ZCCHC2: variants seen among roughly 807,000 people sequenced by gnomAD.
The protein encoded by ZCCHC2 is zinc finger CCHC domain-containing protein 2.
In ZCCHC2, 39 loss-of-function variants were observed where a neutral mutation model predicts 103.6. That is an observed-to-expected ratio of 0.38 (90% CI 0.29 to 0.49). ZCCHC2 has a LOEUF of 0.49. Ranked by LOEUF, ZCCHC2 falls within the 20% of genes least tolerant of loss-of-function variation. ZCCHC2 has a pLI of 0.96. For missense variants in ZCCHC2, 1,483 were observed against 1,491.0 expected, an observed-to-expected ratio of 0.99 and a Z score of 0.09; for synonymous variants, 687 against 608.9, an observed-to-expected ratio of 1.13 and a Z score of -1.89.
rs1916864469 is a variant in ZCCHC2, at chr18:62,576,844, C to T, written c.*265C>T. 1.9e-5 allele frequency: 4 copies of T among 214,562 alleles called. No homozygotes were observed. Among genetic ancestry groups the T allele is most frequent in the African/African-American group, 5.0e-5 (2 of 39,816 alleles). The allele number at this position is 214,562 out of a possible 1,614,324, so 13.3% of individuals were successfully genotyped here. ...AGACAAACTTAAATGTTGGTGCGTGCTTTTTTTTTTTTTTTTACACTGAAT... is the reference window on the plus strand; with the variant it reads ...AGACAAACTTAAATGTTGGTGCGTGTTTTTTTTTTTTTTTTTACACTGAAT... On this transcript the variant is annotated 3_prime_UTR_variant, in exon 14 of 14. Coordinates refer to ENST00000269499, the MANE Select transcript of ZCCHC2 (RefSeq NM_017742.6).
Position 62,523,470 on chromosome 18 carries a change from C to A in ZCCHC2, c.46C>A (p.Pro16Thr). 9.2e-7 allele frequency: 1 copy of A among 1,091,744 alleles called. No homozygotes were observed. The highest frequency in any genetic ancestry group is 3.8e-5 in the Admixed American group (1 of 25,986). The allele number at this position is 1,091,744 out of a possible 1,614,324, so 67.6% of individuals were successfully genotyped here. Residue 16 changes from proline to threonine, a missense_variant, in exon 1 of 14, where the codon CCG becomes ACG. By Grantham distance (38) the Pro-to-Thr change is conservative (BLOSUM62 -1). Coordinates refer to ENST00000269499, the MANE Select transcript of ZCCHC2 (RefSeq NM_017742.6). Reference protein sequence around the residue: ...LPLKPTHPAEPPPEAEEPEAD... With the variant: ...LPLKPTHPAETPPEAEEPEAD... ...GCTGAAGCCAACGCACCCCGCGGAG[C>A]CGCCGCCCGAGGCGGAGGAGCCCGA...
chr18:62,555,951 G>A (rs185640995), intron 5 of ZCCHC2, among the ~76,000 whole-genome samples: 33 of 152,242 alleles, frequency 2.2e-4, no homozygotes, highest in African/African-American at 7.9e-4. Flanking sequence ...GGCCAGTATT[G>A]AAAACTTACC....
At chr18:62,539,850 T>C (rs73963442) in intron 2 of ZCCHC2, 58 bp downstream of exon 2, 1 of 1,348,700 alleles carries the variant, frequency 7.4e-7, no homozygotes. Context: ...TACAGGGTGC[T>C]CTTTACGCTG....
chr18:62,526,614 C>T (rs1314588821), intron 1 of ZCCHC2, among the ~76,000 whole-genome samples: 1 of 151,802 alleles, frequency 6.6e-6, no homozygotes, highest in African/African-American at 2.4e-5. Flanking sequence ...TCTCGGCCTC[C>T]CGCCGCCGCC....
At chr18:62,550,279 T>C in intron 4 of ZCCHC2, 69 bp from the exon 5 acceptor site, 1 of 1,186,328 alleles carries the variant, frequency 8.4e-7, no homozygotes, top group Admixed American at 2.2e-5. Flanking sequence ...ATTTTATGCA[T>C]ATAACTTGTA....
intron 1 of ZCCHC2, among the ~76,000 whole-genome samples, chr18:62,527,332 C>T (rs1914475682): frequency 1.3e-5 from 2 of 152,032 alleles, no homozygotes; most frequent in Non-Finnish European, 1.5e-5. Context: ...TTTTATATTA[C>T]ATGCTTTGAA....
intron 5 of ZCCHC2, among the ~76,000 whole-genome samples, chr18:62,553,156 ATGTGTGTGTGTG>A (rs142422088): frequency 0.17 from 23,072 of 139,794 alleles, 2,092 homozygotes; most frequent in Non-Finnish European, 0.21. Context: ...CCTTAGATTT[ATGTGTGTGTGTG>A]TGTGTGTGTG....
Position 62,523,419 on chromosome 18 carries a change from C to T in ZCCHC2, c.-6C>T, listed in dbSNP as rs1914142855. 2 of 1,076,452 alleles carry T rather than the reference C, an allele frequency of 1.9e-6. No individual in the cohort carries two copies. Among genetic ancestry groups the T allele is most frequent in the Non-Finnish European group, 2.3e-6 (2 of 881,878 alleles). 66.7% of individuals were successfully genotyped at this position (1,076,452 alleles called of 1,614,324 possible). ...CGCTCGCATGTCTGCGCCGCCCTAG[C>T]CGAGGATGCTGAGGATGAAGCTGCC... On this transcript the variant is annotated 5_prime_UTR_variant, in exon 1 of 14. Transcript: ENST00000269499.
At chr18:62,586,255 T>G (rs1362666230) in exon 15 of ZCCHC2, 1 of 152,190 alleles carries the variant, frequency 6.6e-6, no homozygotes, top group Non-Finnish European at 1.5e-5. Context: ...TTTACAGTTC[T>G]TTACGCTTTC....
chr18:62,547,685 C>G (rs929819586), intron 4 of ZCCHC2, among the ~76,000 whole-genome samples: 1 of 152,026 alleles, frequency 6.6e-6, no homozygotes, highest in African/African-American at 2.4e-5. Context: ...CCTCAGCCTT[C>G]CAAGTAGCTG....
chr18:62,574,110 G>A lies in ZCCHC2; in HGVS notation c.2029G>A (p.Gly677Ser), dbSNP rs200980565. The change falls in exon 13 of 14, where the codon GGT becomes AGT. Residue 677 changes from glycine (G) to serine (S), a missense_variant. Transcript: ENST00000269499. ...SGNPSTTRFTGYGSVNQTVTV... is the reference protein window; with the variant it reads ...SGNPSTTRFTSYGSVNQTVTV... ...GAATCCATCAACAACTAGGTTTACAGGTTACGGTTCTGTCAACCAGACTGT... is the reference window on the plus strand; with the variant it reads ...GAATCCATCAACAACTAGGTTTACAAGTTACGGTTCTGTCAACCAGACTGT... 19 of 1,613,898 alleles carry A rather than the reference G, an allele frequency of 1.2e-5. No homozygotes were observed. The highest frequency in any genetic ancestry group is 8.3e-5 in the Admixed American group (5 of 60,008).
At chr18:62,525,715 G>A (rs964089615) in intron 1 of ZCCHC2, among the ~76,000 whole-genome samples, 7 of 151,970 alleles carry the variant, frequency 4.6e-5, no homozygotes, top group Non-Finnish European at 1.0e-4. Flanking sequence ...ATCAAACTCA[G>A]ATGTAACGCT....
intron 4 of ZCCHC2, among the ~76,000 whole-genome samples, chr18:62,549,912 A>T (rs1915591450): frequency 6.6e-6 from 1 of 152,258 alleles, no homozygotes; most frequent in African/African-American, 2.4e-5. Context: ...CAGGAGGCAC[A>T]AAAGTGCTAA....
At chr18:62,572,480 C>T (rs1384651109) in intron 12 of ZCCHC2, among the ~76,000 whole-genome samples, 1 of 152,140 alleles carries the variant, frequency 6.6e-6, no homozygotes, top group Non-Finnish European at 1.5e-5. Flanking sequence ...GAAAGAATGG[C>T]TTAGGGCTGT....
intron 1 of ZCCHC2, among the ~76,000 whole-genome samples, chr18:62,527,982 G>A (rs1459962267): frequency 1.3e-5 from 2 of 152,160 alleles, no homozygotes; most frequent in Non-Finnish European, 2.9e-5. Context: ...TTCTCATTTT[G>A]GAGGTTTAGT....
intron 6 of ZCCHC2, among the ~76,000 whole-genome samples, chr18:62,557,725 G>T (rs1360256671): frequency 1.3e-5 from 2 of 152,164 alleles, no homozygotes; most frequent in Non-Finnish European, 2.9e-5. Context: ...GCATTGAATT[G>T]AGCACAAAGT....
chr18:62,549,281 G>A (rs1194764246), intron 4 of ZCCHC2, among the ~76,000 whole-genome samples: 2 of 152,142 alleles, frequency 1.3e-5, no homozygotes, highest in Non-Finnish European at 2.9e-5. Context: ...TCCCACAGCG[G>A]GTGTGTAGAA....
At chr18:62,526,779 G>A (rs1914424583) in intron 1 of ZCCHC2, 1 of 151,982 alleles carries the variant, frequency 6.6e-6, no homozygotes, top group Non-Finnish European at 1.5e-5. Flanking sequence ...GGTCCGTGGC[G>A]CGGGGCTCCT....
chr18:62,567,116 C>G (rs1341725666), intron 11 of ZCCHC2, among the ~76,000 whole-genome samples: 2 of 152,140 alleles, frequency 1.3e-5, no homozygotes, highest in African/African-American at 2.4e-5. Context: ...ATTTTTTGTA[C>G]AGCTTGTCTT....
Sources: gnomAD v4.1 joint callset for allele counts (sites outside exome capture counted in the v4.1 genomes callset) on GRCh38, gnomAD v4.1.1 for gene constraint, MANE v1.5 for transcripts, NCBI Gene and HGNC (gene_info 2026-07-23, HGNC 2026-07-21) for gene names.